The following CADM1 variants were observed in gnomAD, a reference collection of about 807,000 sequenced individuals.
The protein encoded by CADM1 is cell adhesion molecule 1.
CADM1 carries 15 observed loss-of-function variants against 53.1 expected under a neutral mutation model. That is an observed-to-expected ratio of 0.28 (90% confidence interval 0.19 to 0.44). The LOEUF (loss-of-function observed/expected upper bound fraction) is 0.44. Among genes scored for constraint, CADM1 ranks in the 20% least tolerant of loss-of-function variants. The pLI is 1.00. For missense variants in CADM1, 434 were observed against 611.3 expected (o/e 0.71, Z 3.06); for synonymous variants, 281 against 243.0 (o/e 1.16, Z -1.45).
intron 1 of CADM1, among the ~76,000 whole-genome samples, chr11:115,321,886 A>G (rs996600909): frequency 1.3e-5 from 2 of 152,214 alleles, no homozygotes; most frequent in Non-Finnish European, 2.9e-5. Flanking sequence ...CTGCTTAATT[A>G]AACTAAAACT....
chr11:115,285,660 T>A (rs1035690789), intron 1 of CADM1, among the ~76,000 whole-genome samples: 8 of 152,260 alleles, frequency 5.3e-5, no homozygotes, highest in African/African-American at 1.7e-4. Flanking sequence ...TGAAAACAAA[T>A]ACAAAGAGGG....
chr11:115,361,112 G>A (rs1046857566), intron 1 of CADM1, among the ~76,000 whole-genome samples: 26 of 152,296 alleles, frequency 1.7e-4, no homozygotes, highest in African/African-American at 6.0e-4. Context: ...GGTGGGGAAA[G>A]AGGTTGCTAA....
intron 6 of CADM1, among the ~76,000 whole-genome samples, chr11:115,217,023 G>C (rs1043587315): frequency 6.6e-6 from 1 of 152,184 alleles, no homozygotes; most frequent in Non-Finnish European, 1.5e-5. Context: ...TACCACTAAA[G>C]TTTGAGCGTC....
At chr11:115,398,844 T>C (rs1947066405) in intron 1 of CADM1, among the ~76,000 whole-genome samples, 1 of 152,176 alleles carries the variant, frequency 6.6e-6, no homozygotes, top group Admixed American at 6.5e-5. Flanking sequence ...TACAGATTCC[T>C]TTACAAAATC....
chr11:115,291,596 C>T (rs980156441), intron 1 of CADM1, among the ~76,000 whole-genome samples: 4 of 152,072 alleles, frequency 2.6e-5, no homozygotes, highest in Admixed American at 1.3e-4. Flanking sequence ...CATGTGCTAG[C>T]CTTCCTTCCT....
intron 1 of CADM1, among the ~76,000 whole-genome samples, chr11:115,349,246 T>C (rs1465307210): frequency 6.6e-6 from 1 of 152,238 alleles, no homozygotes; most frequent in Non-Finnish European, 1.5e-5. Flanking sequence ...CAGAAAAATA[T>C]ACTTTAAAAA....
chr11:115,225,769 A>G (rs553584312), intron 5 of CADM1, among the ~76,000 whole-genome samples: 2 of 152,238 alleles, frequency 1.3e-5, no homozygotes, highest in East Asian at 3.9e-4. Flanking sequence ...ATATTTAATG[A>G]CATATAACGC....
intron 8 of CADM1, among the ~76,000 whole-genome samples, chr11:115,207,739 T>C (rs1057210299): frequency 2.0e-5 from 3 of 152,208 alleles, no homozygotes; most frequent in African/African-American, 7.2e-5. Context: ...TGGCACCTTC[T>C]AGAATGAGTG....
At chr11:115,253,449 G>A (rs919064312) in intron 1 of CADM1, among the ~76,000 whole-genome samples, 6 of 152,224 alleles carry the variant, frequency 3.9e-5, no homozygotes, top group South Asian at 2.1e-4. Flanking sequence ...ATGGCATCAC[G>A]GGACATAATT....
chr11:115,420,707 G>C (rs1947732598), intron 1 of CADM1, among the ~76,000 whole-genome samples: 1 of 152,098 alleles, frequency 6.6e-6, no homozygotes, highest in Admixed American at 6.6e-5. Context: ...ATTGTTTGTG[G>C]GTCCTGAATT....
chr11:115,223,287 T>G (rs531534222), intron 5 of CADM1, among the ~76,000 whole-genome samples: 55 of 152,160 alleles, frequency 3.6e-4, no homozygotes, highest in Non-Finnish European at 7.6e-4. Context: ...CACCATACAT[T>G]TATTTAGCAC....
At chr11:115,452,648 C>T (rs1392572906) in intron 1 of CADM1, among the ~76,000 whole-genome samples, 4 of 152,134 alleles carry the variant, frequency 2.6e-5, no homozygotes, top group African/African-American at 9.7e-5. Context: ...TTGGGGGAAA[C>T]AGGCAGCCCT....
intron 1 of CADM1, among the ~76,000 whole-genome samples, chr11:115,419,993 T>G (rs997546472): frequency 1.3e-5 from 2 of 152,180 alleles, no homozygotes; most frequent in African/African-American, 4.8e-5. Context: ...TCTCCTCCAT[T>G]GTTAACTTGA....
intron 1 of CADM1, among the ~76,000 whole-genome samples, chr11:115,291,502 G>A (rs537037892): frequency 7.2e-5 from 11 of 152,258 alleles, no homozygotes; most frequent in South Asian, 6.2e-4. Flanking sequence ...CCTAGCAAAC[G>A]GGAGCTCATT....
intron 1 of CADM1, among the ~76,000 whole-genome samples, chr11:115,495,987 T>G (rs150516123): frequency 1.0e-3 from 157 of 152,324 alleles, no homozygotes; most frequent in Non-Finnish European, 1.7e-3. Flanking sequence ...TCTAAAGGAC[T>G]TCACTTTTTG....
chr11:115,287,940 TTA>T, intron 1 of CADM1, among the ~76,000 whole-genome samples: 1 of 152,130 alleles, frequency 6.6e-6, no homozygotes, highest in Non-Finnish European at 1.5e-5. Flanking sequence ...AATAACATCA[TTA>T]TGTCAGGTGA....
intron 1 of CADM1, among the ~76,000 whole-genome samples, chr11:115,435,402 AATTAT>A (rs1948160505): frequency 6.6e-6 from 1 of 152,126 alleles, no homozygotes. Context: ...GACACATAAA[AATTAT>A]ATTAAATTCA....
At chr11:115,274,554 G>A (rs887488278) in intron 1 of CADM1, among the ~76,000 whole-genome samples, 2 of 152,210 alleles carry the variant, frequency 1.3e-5, no homozygotes, top group African/African-American at 4.8e-5. Flanking sequence ...TTCTGTCAGA[G>A]CCACTCCTGG....
intron 1 of CADM1, among the ~76,000 whole-genome samples, chr11:115,501,383 C>G (rs1199188293): frequency 6.6e-6 from 1 of 152,110 alleles, no homozygotes; most frequent in South Asian, 2.1e-4. Flanking sequence ...AAGTCAGCCC[C>G]CCTCCTTCCC....
Sources: gnomAD v4.1 joint callset for allele counts (sites outside exome capture counted in the v4.1 genomes callset) on GRCh38, gnomAD v4.1.1 for gene constraint, MANE v1.5 for transcripts, NCBI Gene and HGNC (gene_info 2026-07-23, HGNC 2026-07-21) for gene names.